SP4: variants seen among roughly 807,000 people sequenced by gnomAD.
SP4 encodes the protein Sp4 transcription factor, also known as transcription factor Sp4.
A neutral mutation model predicts 72.8 loss-of-function variants in SP4; 19 were observed. That is an observed-to-expected ratio of 0.26 (90% CI 0.18 to 0.38). The LOEUF is 0.38. Among genes scored for constraint, SP4 ranks in the 10% least tolerant of loss-of-function variants. The pLI is 1.00. For synonymous variants in SP4, 395 were observed against 333.1 expected (o/e 1.19, Z -2.02); for missense variants, 1,008 against 926.3 (o/e 1.09, Z -1.14).
chr7:21,501,304 G>A (rs938103777), intron 5 of SP4, among the ~76,000 whole-genome samples: 3 of 152,082 alleles, frequency 2.0e-5, no homozygotes, highest in Non-Finnish European at 4.4e-5. Flanking sequence ...GATTTATCAT[G>A]CCTTGAAAAT....
intron 5 of SP4, among the ~76,000 whole-genome samples, chr7:21,505,506 C>T (rs536683889): frequency 6.6e-6 from 1 of 152,178 alleles, no homozygotes; most frequent in African/African-American, 2.4e-5. Context: ...TCTGTGAAAC[C>T]TTGTGGCAGC....
At chr7:21,431,083 A>G (rs1389435900) in intron 3 of SP4, among the ~76,000 whole-genome samples, 1 of 152,202 alleles carries the variant, frequency 6.6e-6, no homozygotes, top group Non-Finnish European at 1.5e-5. Context: ...GTATTGTTTT[A>G]TGGGACAGAG....
chr7:21,446,137 TTA>T (rs1783420462), intron 3 of SP4, among the ~76,000 whole-genome samples: 1 of 151,866 alleles, frequency 6.6e-6, no homozygotes, highest in Admixed American at 6.6e-5. Context: ...CTTAAAGGGA[TTA>T]TATTCTATAC....
At chr7:21,486,514 C>G (rs553502502) in intron 5 of SP4, among the ~76,000 whole-genome samples, 54 of 152,158 alleles carry the variant, frequency 3.5e-4, no homozygotes, top group African/African-American at 1.3e-3. Context: ...ATCACCTGGA[C>G]ACATTTGAAA....
At chr7:21,477,558 A>G (rs1784540140) in intron 4 of SP4, among the ~76,000 whole-genome samples, 1 of 150,932 alleles carries the variant, frequency 6.6e-6, no homozygotes, top group African/African-American at 2.4e-5. Context: ...CCCCAACAAG[A>G]TGGAGTGTCA....
intron 3 of SP4, among the ~76,000 whole-genome samples, chr7:21,449,456 A>G (rs926612102): frequency 3.3e-5 from 5 of 152,224 alleles, no homozygotes; most frequent in African/African-American, 1.2e-4. Flanking sequence ...TATTATTAAG[A>G]AAGTATTAAA....
In SP4 at chr7:21,430,696, G is replaced by A. The variant is rs1046668136; in HGVS notation, c.1531G>A (p.Ala511Thr). 1.9e-5 allele frequency: 30 copies of A among 1,614,054 alleles called. No individual in the cohort carries two copies. Among genetic ancestry groups the A allele is most frequent in the Non-Finnish European group, 2.4e-5 (28 of 1,180,042 alleles). ...TGGTGGCACAACTCTTGCTCAGATT[G>A]CTCCTGTGGCTGTTGCTGGTGCCCC... Reference protein sequence around the residue: ...SSGGTTLAQIAPVAVAGAPIT... With the variant: ...SSGGTTLAQITPVAVAGAPIT... Residue 511 changes from alanine (A) to threonine (T), a missense_variant, in exon 3 of 6, where the codon GCT becomes ACT. Physicochemically the swap from Ala to Thr is moderately conservative, Grantham distance 58. This residue lies in a region of SP4 where 893 missense variants were observed against 743.3 expected (regional missense o/e 1.20). Coordinates refer to ENST00000222584, the MANE Select transcript of SP4 (RefSeq NM_003112.5).
At chr7:21,508,257 T>C (rs995052751) in intron 5 of SP4, among the ~76,000 whole-genome samples, 2 of 152,218 alleles carry the variant, frequency 1.3e-5, no homozygotes, top group African/African-American at 2.4e-5. Flanking sequence ...CAGATTCACC[T>C]GTCCAAACCC....
At chr7:21,448,502 G>A (rs1783493616) in intron 3 of SP4, among the ~76,000 whole-genome samples, 1 of 152,178 alleles carries the variant, frequency 6.6e-6, no homozygotes, top group Non-Finnish European at 1.5e-5. Flanking sequence ...GGTGAAAATA[G>A]AAATGGACAA....
chr7:21,460,946 C>A (rs1783952085), intron 3 of SP4, among the ~76,000 whole-genome samples: 1 of 151,528 alleles, frequency 6.6e-6, no homozygotes, highest in Non-Finnish European at 1.5e-5. Flanking sequence ...TCTCCAAGTC[C>A]CCACCAAGAT....
chr7:21,484,152 T>A (rs893469465), intron 5 of SP4, among the ~76,000 whole-genome samples: 1 of 151,852 alleles, frequency 6.6e-6, no homozygotes, highest in African/African-American at 2.4e-5. Context: ...ACACATAAAG[T>A]AGTAATACAA....
intron 3 of SP4, among the ~76,000 whole-genome samples, chr7:21,445,378 AT>A (rs1783388644): frequency 6.6e-6 from 1 of 152,176 alleles, no homozygotes; most frequent in African/African-American, 2.4e-5. Context: ...GACCCTAAGA[AT>A]TAGTATATGT....
chr7:21,498,159 C>G (rs866087494), intron 5 of SP4, among the ~76,000 whole-genome samples: 14 of 151,874 alleles, frequency 9.2e-5, no homozygotes, highest in Admixed American at 7.2e-4. Flanking sequence ...ATTCAGCCAA[C>G]TAGAGATTGA....
chr7:21,481,304 G>A (rs1273362448), intron 4 of SP4, among the ~76,000 whole-genome samples: 1 of 152,192 alleles, frequency 6.6e-6, no homozygotes, highest in East Asian at 1.9e-4. Flanking sequence ...CATATTCTTA[G>A]CTGCACCAGT....
intron 3 of SP4, among the ~76,000 whole-genome samples, chr7:21,475,424 C>A (rs1320224164): frequency 6.6e-6 from 1 of 151,098 alleles, no homozygotes; most frequent in Non-Finnish European, 1.5e-5. Flanking sequence ...TGAAAGAAAC[C>A]CTTTTATTTT....
intron 5 of SP4, among the ~76,000 whole-genome samples, chr7:21,506,428 C>A (rs1302938314): frequency 6.6e-6 from 1 of 152,176 alleles, no homozygotes; most frequent in Non-Finnish European, 1.5e-5. Context: ...TCTTCAAATG[C>A]CCTGTCTTTC....
chr7:21,501,916 G>A (rs966734742), intron 5 of SP4, among the ~76,000 whole-genome samples: 5 of 151,802 alleles, frequency 3.3e-5, no homozygotes, highest in Admixed American at 6.6e-5. Context: ...GAGTATAATC[G>A]ATGAATCTCT....
chr7:21,452,663 A>G (rs1783635380), intron 3 of SP4, among the ~76,000 whole-genome samples: 1 of 152,232 alleles, frequency 6.6e-6, no homozygotes, highest in Non-Finnish European at 1.5e-5. Flanking sequence ...ATTTTATTGC[A>G]CTTATGCAAA....
chr7:21,455,295 G>A (rs531143176), intron 3 of SP4, among the ~76,000 whole-genome samples: 62 of 152,290 alleles, frequency 4.1e-4, no homozygotes, highest in African/African-American at 1.3e-3. Context: ...GTAGGCTTTT[G>A]TAGTTTTTGT....
Sources: allele counts gnomAD v4.1 joint callset (sites outside exome capture counted in the v4.1 genomes callset), GRCh38; gene constraint gnomAD v4.1.1; regional missense constraint gnomAD v4.1.1; transcripts MANE v1.5; gene names NCBI Gene and HGNC (gene_info 2026-07-23, HGNC 2026-07-21).